Variants in CCDC144A observed in about 807,000 individuals in gnomAD.
CCDC144A encodes coiled-coil domain-containing protein 144A.
Under a neutral mutation model 143.8 loss-of-function variants are expected in CCDC144A, and 41 were observed. The observed-to-expected ratio is 0.29, with a 90% confidence interval of 0.22 to 0.37. The LOEUF is 0.37. Ranked by LOEUF, CCDC144A falls within the 10% of genes least tolerant of loss-of-function variation. The probability of loss-of-function intolerance (pLI) is 1.00; values close to 1 mark genes in which losing one functional copy is unlikely to be tolerated. For missense variants in CCDC144A, 637 were observed against 1,488.8 expected (o/e 0.43, Z 9.41); for synonymous variants, 242 against 517.9 (o/e 0.47, Z 7.23).
At chr17:16,754,517 G>T (rs1914979573) in intron 12 of CCDC144A, among the ~76,000 whole-genome samples, 1 of 152,120 alleles carries the variant, frequency 6.6e-6, no homozygotes, top group Non-Finnish European at 1.5e-5. Context: ...TGGCCCAGTT[G>T]TTCATTCAGG....
intron 8 of CCDC144A, among the ~76,000 whole-genome samples, chr17:16,721,132 C>A (rs914893032): frequency 1.3e-5 from 2 of 152,008 alleles, no homozygotes; most frequent in Non-Finnish European, 2.9e-5. Flanking sequence ...ATCGTTTTTA[C>A]TCTTCTCTTT....
At chr17:16,672,921 C>T in the CCDC144A span, among the ~76,000 whole-genome samples, 2 of 152,056 alleles carry the variant, frequency 1.3e-5, no homozygotes, top group Non-Finnish European at 2.9e-5. Context: ...AATGGCCTAA[C>T]ACAGATACAG....
intron 12 of CCDC144A, among the ~76,000 whole-genome samples, chr17:16,742,467 G>A (rs1914301058): frequency 6.6e-6 from 1 of 152,062 alleles, no homozygotes; most frequent in Non-Finnish European, 1.5e-5. Context: ...TTGATCTGTT[G>A]ATGAACATTT....
intron 11 of CCDC144A, among the ~76,000 whole-genome samples, chr17:16,733,590 A>G (rs1410353222): frequency 6.6e-6 from 1 of 150,508 alleles, no homozygotes; most frequent in Non-Finnish European, 1.5e-5. Flanking sequence ...TATAAAGAGG[A>G]AACTTAAGTT....
intron 2 of CCDC144A, among the ~76,000 whole-genome samples, chr17:16,695,730 T>A (rs976172917): frequency 1.1e-4 from 17 of 151,484 alleles, no homozygotes; most frequent in Admixed American, 1.1e-3. Context: ...ATAGTGATCA[T>A]TTATTATGTT....
chr17:16,777,074 A>G lies in CCDC144A; in HGVS notation c.*3441A>G, dbSNP rs1484515630. 2 of 140,718 alleles carry G rather than the reference A, an allele frequency of 1.4e-5. No individual in the cohort carries two copies. The highest frequency in any genetic ancestry group is 5.5e-5 in the African/African-American group (2 of 36,202). The allele number at this position is 140,718 out of a possible 1,614,324, so 8.7% of individuals were successfully genotyped here. A position where few individuals can be genotyped will look rare whatever the true frequency, so the allele number is the denominator to read the frequency against. ...AGGAGTAGCTGTTCTTATATCAGAC[A>G]AAACGGACTTTAAGACAACAGCAGT... On this transcript the variant is annotated 3_prime_UTR_variant, in exon 17 of 17. Coordinates refer to ENST00000399273, the MANE Select transcript of CCDC144A (RefSeq NM_001382000.1).
chr17:16,697,270 G>T (rs1269419290), intron 2 of CCDC144A, among the ~76,000 whole-genome samples: 1 of 152,094 alleles, frequency 6.6e-6, no homozygotes, highest in Non-Finnish European at 1.5e-5. Context: ...AGCATTTTCT[G>T]TACAGGGCTT....
chr17:16,765,818 A>G (rs1256781069), intron 15 of CCDC144A: 3 of 152,400 alleles, frequency 2.0e-5, no homozygotes, highest in South Asian at 4.1e-4. Flanking sequence ...CAAATGCCTC[A>G]GTCATGAAAT....
chr17:16,686,082 G>GT (rs1194028272), upstream of CCDC144A, among the ~76,000 whole-genome samples: 233 of 128,538 alleles, frequency 1.8e-3, 3 homozygotes, highest in Admixed American at 0.013. Flanking sequence ...GAGCCCGGCT[G>GT]TTTTTTTTGT....
the CCDC144A span, among the ~76,000 whole-genome samples, chr17:16,673,681 C>T: frequency 2.6e-5 from 4 of 152,066 alleles, no homozygotes; most frequent in East Asian, 1.9e-4. Flanking sequence ...CCACCACGCC[C>T]GGCCTATCTT....
chr17:16,686,632 C>G (rs1166543941), upstream of CCDC144A, among the ~76,000 whole-genome samples: 1 of 151,364 alleles, frequency 6.6e-6, no homozygotes, highest in Non-Finnish European at 1.5e-5. Flanking sequence ...ATGGCAAGAC[C>G]TCTGACTCCA....
At chr17:16,696,033 G>T (rs1468733100) in intron 2 of CCDC144A, among the ~76,000 whole-genome samples, 5 of 151,842 alleles carry the variant, frequency 3.3e-5, no homozygotes, top group African/African-American at 1.2e-4. Context: ...ACTTTTTTTT[G>T]AGACAAAGTC....
the CCDC144A span, chr17:16,667,268 GC>G: frequency 1.6e-5 from 4 of 246,252 alleles, no homozygotes; most frequent in Admixed American, 5.1e-5. Flanking sequence ...GGCGGCTGAG[GC>G]GGCTGAGGGG....
intron 6 of CCDC144A, among the ~76,000 whole-genome samples, chr17:16,714,706 G>A (rs1912641936): frequency 6.6e-6 from 1 of 151,420 alleles, no homozygotes; most frequent in African/African-American, 2.4e-5. Flanking sequence ...TAAAACATAA[G>A]TCAGATGATG....
chr17:16,739,256 T>C (rs1386798923), intron 12 of CCDC144A, among the ~76,000 whole-genome samples: 2 of 130,274 alleles, frequency 1.5e-5, no homozygotes, highest in African/African-American at 6.3e-5. Context: ...TTATGATTTA[T>C]TATGTTTTTA....
intron 12 of CCDC144A, among the ~76,000 whole-genome samples, chr17:16,748,481 A>AT (rs1914640128): frequency 1.3e-5 from 2 of 152,180 alleles, no homozygotes; most frequent in South Asian, 4.1e-4. Context: ...GTGTTGCTGG[A>AT]TTTTGTTTGC....
At chr17:16,683,304 T>C in the CCDC144A span, 1 of 579,942 alleles carries the variant, frequency 1.7e-6, no homozygotes, top group African/African-American at 1.9e-5. Flanking sequence ...TACAATTTTA[T>C]TTGTCATTTA....
rs565297442 is a variant in CCDC144A at position 16,696,454 on chromosome 17, A to AC, written c.415+3407dup. On this transcript the variant is annotated intron_variant, in intron 2 of 16. Transcript: ENST00000399273. Reference sequence around the variant, plus strand: ...AGACCATCCTGGCCAACATGGTGAAACCTGTCTCTACTAAAAATACACATG... The same window carrying AC: ...AGACCATCCTGGCCAACATGGTGAAACCCTGTCTCTACTAAAAATACACATG... Among the ~76,000 whole-genome samples the AC allele has an allele frequency of 5.7e-4, 85 of 150,334 alleles. 2 individuals are homozygous for AC. In the South Asian group the frequency reaches 0.016, roughly 28 times the overall value.
intron 6 of CCDC144A, among the ~76,000 whole-genome samples, chr17:16,714,112 G>A (rs996717259): frequency 1.1e-4 from 16 of 152,046 alleles, no homozygotes; most frequent in Non-Finnish European, 2.1e-4. Flanking sequence ...TCACTCACCT[G>A]GCTTTTCTTC....
Sources: gnomAD v4.1 joint callset for allele counts (sites outside exome capture counted in the v4.1 genomes callset) on GRCh38, gnomAD v4.1.1 for gene constraint, MANE v1.5 for transcripts, NCBI Gene and HGNC (gene_info 2026-07-23, HGNC 2026-07-21) for gene names.